Variants in FOXN3 observed in about 807,000 individuals in gnomAD.
FOXN3 encodes the protein forkhead box N3.
Under a neutral mutation model 38.4 loss-of-function variants are expected in FOXN3, and 7 were observed. The observed-to-expected ratio is 0.18, with a 90% CI of 0.10 to 0.34. The LOEUF is 0.34. Among genes scored for constraint, FOXN3 ranks in the 10% least tolerant of loss-of-function variants. The pLI is 1.00. For synonymous variants in FOXN3, 230 were observed against 242.2 expected (o/e 0.95, Z 0.47); for missense variants, 456 against 613.4 (o/e 0.74, Z 2.71).
intron 1 of FOXN3, among the ~76,000 whole-genome samples, chr14:89,439,692 G>A (rs1892339277): frequency 1.5e-5 from 2 of 135,078 alleles, no homozygotes; most frequent in South Asian, 2.3e-4. Flanking sequence ...GTCTTGCTCT[G>A]TTGCCCAGGC....
At chr14:89,442,050 C>T (rs1892398978) in intron 1 of FOXN3, among the ~76,000 whole-genome samples, 1 of 151,996 alleles carries the variant, frequency 6.6e-6, no homozygotes, top group Non-Finnish European at 1.5e-5. Context: ...CCTCAGCCTC[C>T]CAAGTAGCTG....
chr14:89,192,449 T>C (rs762650927), intron 4 of FOXN3, among the ~76,000 whole-genome samples: 2 of 142,244 alleles, frequency 1.4e-5, no homozygotes, highest in Non-Finnish European at 3.0e-5. Context: ...ATAAATTATA[T>C]ATTATATATA....
chr14:89,335,258 G>A (rs763611005), intron 3 of FOXN3, among the ~76,000 whole-genome samples: 5 of 152,124 alleles, frequency 3.3e-5, no homozygotes, highest in Non-Finnish European at 5.9e-5. Flanking sequence ...AAAGCTGGGG[G>A]CACAGAAGGA....
chr14:89,281,338 C>T (rs1886455904), intron 3 of FOXN3, among the ~76,000 whole-genome samples: 1 of 152,168 alleles, frequency 6.6e-6, no homozygotes, highest in Non-Finnish European at 1.5e-5. Context: ...CTAACCTATT[C>T]ATAATTTCAT....
chr14:89,329,092 G>C (rs191618113), intron 3 of FOXN3, among the ~76,000 whole-genome samples: 17 of 152,224 alleles, frequency 1.1e-4, no homozygotes, highest in Admixed American at 1.0e-3. Context: ...AGAGGCCACC[G>C]ACCCTCACCA....
At chr14:89,286,749 C>T (rs3783871) in intron 3 of FOXN3, among the ~76,000 whole-genome samples, 1 of 152,060 alleles carries the variant, frequency 6.6e-6, no homozygotes, top group Non-Finnish European at 1.5e-5. Flanking sequence ...AAGGATGTCA[C>T]TCGCTGGCAT....
intron 3 of FOXN3, among the ~76,000 whole-genome samples, chr14:89,333,986 A>ATATATATC (rs1566959317): frequency 3.8e-4 from 44 of 115,528 alleles, no homozygotes; most frequent in African/African-American, 1.7e-3. Flanking sequence ...ATATATATAT[A>ATATATATC]TATATATATA....
At chr14:89,416,567 G>A (rs945411389) in intron 1 of FOXN3, among the ~76,000 whole-genome samples, 4 of 152,054 alleles carry the variant, frequency 2.6e-5, no homozygotes, top group African/African-American at 9.7e-5. Flanking sequence ...CCCCCTCCCC[G>A]GCCCGGAACG....
chr14:89,396,380 C>T (rs1891098760), intron 2 of FOXN3, among the ~76,000 whole-genome samples: 1 of 152,194 alleles, frequency 6.6e-6, no homozygotes, highest in African/African-American at 2.4e-5. Flanking sequence ...AGGCTTTCGG[C>T]ACAGATCTGT....
chr14:89,444,352 A>ATG (rs370922492), intron 1 of FOXN3, among the ~76,000 whole-genome samples: 1 of 41,480 alleles, frequency 2.4e-5, no homozygotes, highest in African/African-American at 5.7e-5. Flanking sequence ...CTAGTATCTC[A>ATG]TATGTTTTAC....
chr14:89,513,166 A>G lies in FOXN3; in HGVS notation c.-14-100676T>C, dbSNP rs533352638. 4.5e-3 allele frequency among the ~76,000 whole-genome samples: 680 copies of G among 150,714 alleles called. 9 individuals are homozygous for G. The highest frequency in any genetic ancestry group is 0.016 in the African/African-American group (645 of 41,096). On this transcript the variant is annotated intron_variant, in intron 1 of 6. Coordinates refer to the FOXN3 transcript ENST00000345097. ...CCATCTCAGGAAAAAAAAAAAAAAA[A>G]AAAGAAAAAGAAAGAAAGAAACTAG...
rs1212407780 is a variant in FOXN3, at chr14:89,499,663, A to AAATCGAGAGGAACTGGTTTT, written c.-14-87193_-14-87174dup. ...ATTTCTGATGAACTGGTTATAAGGT[A>AAATCGAGAGGAACTGGTTTT]AATCGAGAGGAACTGGTTTTAAAGA... On this transcript the variant is annotated intron_variant, in intron 1 of 6. Coordinates refer to the FOXN3 transcript ENST00000345097. Among the ~76,000 whole-genome samples, 5 of 152,312 alleles carry AAATCGAGAGGAACTGGTTTT rather than the reference A, an allele frequency of 3.3e-5. No individual in the cohort carries two copies. In the East Asian group the frequency reaches 5.8e-4, roughly 18 times the overall value.
intron 1 of FOXN3, among the ~76,000 whole-genome samples, chr14:89,427,244 AAAGAG>A (rs148168669): frequency 6.7e-6 from 1 of 149,428 alleles, no homozygotes; most frequent in Admixed American, 6.6e-5. Context: ...AAAAAAAAGA[AAAGAG>A]AAGAAAAAGA....
chr14:89,266,715 G>A (rs963617376), intron 4 of FOXN3, among the ~76,000 whole-genome samples: 9 of 152,136 alleles, frequency 5.9e-5, no homozygotes, highest in African/African-American at 2.2e-4. Flanking sequence ...TCAGATCCTG[G>A]GGGAAATAAG....
intron 1 of FOXN3, among the ~76,000 whole-genome samples, chr14:89,573,973 G>A (rs948397340): frequency 2.0e-5 from 3 of 152,138 alleles, no homozygotes; most frequent in Non-Finnish European, 4.4e-5. Flanking sequence ...CGAGGCTGCA[G>A]TGAGCCGTGA....
chr14:89,508,277 C>T (rs750443128), intron 1 of FOXN3, among the ~76,000 whole-genome samples: 4 of 152,190 alleles, frequency 2.6e-5, no homozygotes, highest in East Asian at 1.9e-4. Context: ...TCAAAGCATA[C>T]GCCCTGCTGA....
intron 1 of FOXN3, among the ~76,000 whole-genome samples, chr14:89,555,552 C>T (rs910199671): frequency 6.6e-6 from 1 of 152,166 alleles, no homozygotes; most frequent in Admixed American, 6.5e-5. Context: ...CTGTCAACTG[C>T]ATGTTCATAT....
intron 1 of FOXN3, among the ~76,000 whole-genome samples, chr14:89,458,030 CAAAAAAA>C (rs11445763): frequency 3.7e-5 from 2 of 53,522 alleles, no homozygotes; most frequent in Non-Finnish European, 7.0e-5. Flanking sequence ...AACTCCATCT[CAAAAAAA>C]AAAAAAAAAA....
intron 4 of FOXN3, among the ~76,000 whole-genome samples, chr14:89,272,245 G>A (rs750655028): frequency 1.3e-5 from 2 of 151,768 alleles, no homozygotes; most frequent in East Asian, 2.0e-4. Flanking sequence ...CCCGGGAGGC[G>A]GAGGTTGCAG....
Sources: gnomAD v4.1 joint callset for allele counts (sites outside exome capture counted in the v4.1 genomes callset) on GRCh38, gnomAD v4.1.1 for gene constraint, MANE v1.5 for transcripts, NCBI Gene and HGNC (gene_info 2026-07-23, HGNC 2026-07-21) for gene names.